Variants in PTPRD observed in about 807,000 individuals in gnomAD.
PTPRD encodes the protein receptor-type tyrosine-protein phosphatase delta.
Under a neutral mutation model 214.5 loss-of-function variants are expected in PTPRD, and 34 were observed. The observed-to-expected ratio is 0.16, with a 90% CI of 0.12 to 0.21. The LOEUF is 0.21. Among genes scored for constraint, PTPRD ranks in the 10% least tolerant of loss-of-function variants. The pLI, the probability that PTPRD is intolerant of heterozygous loss-of-function variation, is 1.00. For synonymous variants in PTPRD, 1,128 were observed against 845.7 expected (o/e 1.33, Z -5.79); for missense variants, 2,545 against 2,398.7 (o/e 1.06, Z -1.27).
rs2099112133 is a variant in PTPRD, at chr9:10,483,271, A to G, written c.-600+129127T>C. 2.0e-5 allele frequency among the ~76,000 whole-genome samples: 3 copies of G among 151,416 alleles called. No homozygotes were observed. The South Asian group carries it at 6.2e-4, about 31-fold the overall frequency. ...ACTGGATCCTTATTTCTCACCATGT[A>G]CAAAAATGAACTCAAGATGGATTAA... On this transcript the variant is annotated intron_variant, in intron 2 of 45. Coordinates refer to ENST00000381196, the MANE Select transcript of PTPRD (RefSeq NM_002839.4).
At chr9:10,151,059 CTT>C (rs138485125) in intron 3 of PTPRD, among the ~76,000 whole-genome samples, 1,599 of 111,074 alleles carry the variant, frequency 0.014, 32 homozygotes, top group African/African-American at 0.051. Context: ...TTTTTGTTAA[CTT>C]TTTTTTTTTT....
At chr9:10,391,226 A>G (rs1036329907) in intron 2 of PTPRD, among the ~76,000 whole-genome samples, 3 of 151,836 alleles carry the variant, frequency 2.0e-5, no homozygotes, top group Admixed American at 6.6e-5. Context: ...AAGAAGGCCA[A>G]GCTGTAATTG....
chr9:8,635,368 A>T (rs2154324588), intron 13 of PTPRD, among the ~76,000 whole-genome samples: 1 of 151,972 alleles, frequency 6.6e-6, no homozygotes, highest in Non-Finnish European at 1.5e-5. Context: ...TGCAGCAAAG[A>T]TGCATACATA....
chr9:9,087,658 A>G (rs1269983680), intron 10 of PTPRD, among the ~76,000 whole-genome samples: 2 of 152,182 alleles, frequency 1.3e-5, no homozygotes, highest in African/African-American at 4.8e-5. Context: ...TATGGAAAAC[A>G]TGGGGAAGTG....
chr9:9,461,426 T>C (rs889372969), intron 8 of PTPRD, among the ~76,000 whole-genome samples: 4 of 152,012 alleles, frequency 2.6e-5, no homozygotes, highest in Non-Finnish European at 4.4e-5. Context: ...CAAATCAGCC[T>C]CTCTCAAGTC....
chr9:9,155,895 C>T (rs879393045), intron 10 of PTPRD, among the ~76,000 whole-genome samples: 1 of 152,130 alleles, frequency 6.6e-6, no homozygotes, highest in Non-Finnish European at 1.5e-5. Flanking sequence ...TGCAGGCACT[C>T]ATTTCCCTGG....
At chr9:8,422,283 A>C (rs1242913580) in intron 35 of PTPRD, among the ~76,000 whole-genome samples, 1 of 152,028 alleles carries the variant, frequency 6.6e-6, no homozygotes, top group Non-Finnish European at 1.5e-5. Context: ...ATTTCTTCCC[A>C]TAAGTAAAAT....
intron 2 of PTPRD, among the ~76,000 whole-genome samples, chr9:10,441,251 T>C (rs79430829): frequency 0.075 from 11,403 of 151,690 alleles, 699 homozygotes; most frequent in African/African-American, 0.15. Flanking sequence ...AGCTCATATA[T>C]TGGAGCATAC....
chr9:9,353,496 A>T (rs976990849), intron 9 of PTPRD, among the ~76,000 whole-genome samples: 1 of 151,850 alleles, frequency 6.6e-6, no homozygotes. Flanking sequence ...CTGGGAGTCC[A>T]CTTCTATATA....
At chr9:9,998,277 G>A (rs2154089671) in intron 4 of PTPRD, among the ~76,000 whole-genome samples, 1 of 151,328 alleles carries the variant, frequency 6.6e-6, no homozygotes, top group East Asian at 1.9e-4. Context: ...CTCACAGATG[G>A]TCCAGCAGGA....
intron 11 of PTPRD, among the ~76,000 whole-genome samples, chr9:9,018,356 T>C (rs1382153516): frequency 1.3e-5 from 2 of 152,184 alleles, no homozygotes; most frequent in African/African-American, 4.8e-5. Flanking sequence ...AAACGGTATA[T>C]CTTATAAAAA....
At chr9:8,654,376 T>G (rs967516094) in intron 12 of PTPRD, among the ~76,000 whole-genome samples, 1 of 152,174 alleles carries the variant, frequency 6.6e-6, no homozygotes, top group African/African-American at 2.4e-5. Flanking sequence ...TGATATGTAG[T>G]GGGTACTCCT....
At chr9:8,967,997 TGTG>T (rs937193860) in intron 11 of PTPRD, among the ~76,000 whole-genome samples, 1 of 152,030 alleles carries the variant, frequency 6.6e-6, no homozygotes, top group African/African-American at 2.4e-5. Context: ...AGTGAGAACA[TGTG>T]GTGTTTGGTT....
intron 5 of PTPRD, among the ~76,000 whole-genome samples, chr9:9,822,585 TTTC>T (rs1385363823): frequency 6.6e-6 from 1 of 150,454 alleles, no homozygotes; most frequent in African/African-American, 2.4e-5. Flanking sequence ...ATTTTTTTCC[TTTC>T]TTCTTGTTAA....
intron 2 of PTPRD, among the ~76,000 whole-genome samples, chr9:10,402,023 T>C (rs1409738918): frequency 3.3e-5 from 5 of 151,514 alleles, no homozygotes; most frequent in Admixed American, 1.3e-4. Flanking sequence ...TAAAATGAGA[T>C]TTGAAAAATA....
Position 9,893,659 on chromosome 9 carries a change from A to G in PTPRD, c.-368+44848T>C, listed in dbSNP as rs529774411. On this transcript the variant is annotated intron_variant, in intron 5 of 45. Coordinates refer to ENST00000381196, the MANE Select transcript of PTPRD (RefSeq NM_002839.4). The stretch of plus-strand genomic sequence containing the variant: ...ACATGCTTAAAAGTTATTGGAAAGG[A>G]CCCAGTTAAGAGAGAAAGGGAGTTT... Among the ~76,000 whole-genome samples, 13 of 152,200 alleles carry G rather than the reference A, an allele frequency of 8.5e-5. No homozygotes were observed. The South Asian group carries it at 2.1e-3, about 24-fold the overall frequency.
intron 2 of PTPRD, among the ~76,000 whole-genome samples, chr9:10,393,667 GAC>G (rs1491190327): frequency 2.1e-5 from 3 of 143,448 alleles, no homozygotes; most frequent in African/African-American, 7.6e-5. Flanking sequence ...GAGAGAGAGA[GAC>G]ACTCTATTGG....
At chr9:9,575,842 G>T (rs1367534288) in intron 7 of PTPRD, among the ~76,000 whole-genome samples, 1 of 150,502 alleles carries the variant, frequency 6.6e-6, no homozygotes, top group Non-Finnish European at 1.5e-5. Context: ...TGGTGCAGTG[G>T]TAACTTTATC....
At chr9:8,947,758 T>C (rs911331656) in intron 11 of PTPRD, among the ~76,000 whole-genome samples, 1 of 152,128 alleles carries the variant, frequency 6.6e-6, no homozygotes, top group African/African-American at 2.4e-5. Flanking sequence ...ATTCCTTCCA[T>C]GGATCTCAAG....
Sources: allele counts gnomAD v4.1 joint callset (sites outside exome capture counted in the v4.1 genomes callset), GRCh38; gene constraint gnomAD v4.1.1; transcripts MANE v1.5; gene names NCBI Gene and HGNC (gene_info 2026-07-23, HGNC 2026-07-21).